Variants in CCDC57 observed in about 807,000 individuals in gnomAD.
CCDC57 encodes coiled-coil domain containing 57.
Under a neutral mutation model 118.9 loss-of-function variants are expected in CCDC57, and 118 were observed. The ratio of observed to expected loss-of-function variants is 0.99; its 90% CI spans 0.86 to 1.16. The LOEUF is 1.16. CCDC57 is among the 50% of genes most tolerant of loss of function. The pLI is 0.00. For missense variants in CCDC57, 1,300 were observed against 1,320.7 expected, an observed-to-expected ratio of 0.98 and a Z score of 0.24; for synonymous variants, 527 against 532.9, an observed-to-expected ratio of 0.99 and a Z score of 0.15.
intron 16 of CCDC57, chr17:82,135,069 A>G (rs2038957033): frequency 6.6e-6 from 1 of 152,054 alleles, no homozygotes; most frequent in Admixed American, 6.6e-5. Context: ...GGGTGTTTAT[A>G]ACTGTTGACA....
chr17:82,180,986 C>T (rs1479157020), intron 9 of CCDC57, among the ~76,000 whole-genome samples: 1 of 152,214 alleles, frequency 6.6e-6, no homozygotes, highest in African/African-American at 2.4e-5. Context: ...GGCCCACTCG[C>T]CGCCCGGCTT....
intron 16 of CCDC57, among the ~76,000 whole-genome samples, chr17:82,145,462 G>A (rs923341748): frequency 6.6e-6 from 1 of 151,906 alleles, no homozygotes; most frequent in Non-Finnish European, 1.5e-5. Context: ...CAATAGAATC[G>A]CTGGAACCCG....
chr17:82,205,722 C>A (rs2049543896), intron 2 of CCDC57, among the ~76,000 whole-genome samples: 1 of 152,206 alleles, frequency 6.6e-6, no homozygotes, highest in Non-Finnish European at 1.5e-5. Context: ...TGCTCCCAGG[C>A]CTCTGTGCTC....
rs115615442 is a variant in CCDC57, at chr17:82,113,210, T to C, written c.2900-11344A>G. The C allele has an allele frequency of 3.6e-3, 2,189 of 600,116 alleles. 32 individuals carry two copies. In the African/African-American group the frequency reaches 0.037, roughly 10 times the overall value. 37.2% of individuals were successfully genotyped at this position (600,116 alleles called of 1,614,324 possible). On this transcript the variant is annotated intron_variant, in intron 19 of 19. Transcript: ENST00000665763. ...TCCTTTCAGAAGCCACAGGTCATGATAATCAGTGAAGGCGGGGGGCTGGGG... is the reference window on the plus strand; with the variant it reads ...TCCTTTCAGAAGCCACAGGTCATGACAATCAGTGAAGGCGGGGGGCTGGGG...
At chr17:82,113,247 A>T (rs2035423432) in intron 19 of CCDC57, 1 of 619,608 alleles carries the variant, frequency 1.6e-6, no homozygotes, top group Non-Finnish European at 2.9e-6. Flanking sequence ...TGTCCGTGCC[A>T]TTCAGGGCAC....
Position 82,212,392 on chromosome 17 carries a change from CCT to C in CCDC57, c.-211+391_-211+392del, listed in dbSNP as rs1399277449. 5.8e-5 allele frequency among the ~76,000 whole-genome samples: 1 copy of C among 17,212 alleles called. No individual in the cohort carries two copies. The highest frequency in any genetic ancestry group is 9.7e-5 in the Non-Finnish European group (1 of 10,316). The allele number at this position is 17,212 out of a possible 152,430, so 11.3% of individuals were successfully genotyped here. On this transcript the variant is annotated intron_variant, in intron 1 of 19. Transcript: ENST00000665763. This position sits in a 1 kb window ranked among gnomAD's most constrained non-coding sequence, Gnocchi z 4.1. ...ACCACCGCCTCCGGCCTTTTTTTTT[CCT>C]CTCTTTTTTTTTTTTTTTTTTTAAA...
chr17:82,128,729 T>C, intron 17 of CCDC57, 132 bp from the exon 17 acceptor site: 1 of 713,454 alleles, frequency 1.4e-6, no homozygotes, highest in South Asian at 1.8e-5. Context: ...CACCATTTGG[T>C]GACAGCCCGG....
chr17:82,151,536 A>G (rs1374773401), intron 16 of CCDC57, 24 bp downstream of exon 15: 2 of 1,548,760 alleles, frequency 1.3e-6, no homozygotes, highest in South Asian at 1.2e-5. Context: ...CACTCAGGCC[A>G]TGGCCTCCAC....
At chr17:82,206,563 G>T (rs2049674270) in intron 2 of CCDC57, among the ~76,000 whole-genome samples, 1 of 149,818 alleles carries the variant, frequency 6.7e-6, no homozygotes, top group South Asian at 2.1e-4. Flanking sequence ...GGTGGGGTGT[G>T]GGGGGGTCCT....
intron 19 of CCDC57, among the ~76,000 whole-genome samples, chr17:82,103,438 ACCT>A (rs1339631849): frequency 4.6e-5 from 7 of 151,124 alleles, no homozygotes; most frequent in African/African-American, 1.5e-4. Flanking sequence ...AGCCTGCCTG[ACCT>A]CCTGGTCCCG....
At chr17:82,130,497 AAC>A (rs2038172001) in intron 17 of CCDC57, among the ~76,000 whole-genome samples, 1 of 129,860 alleles carries the variant, frequency 7.7e-6, no homozygotes, top group Non-Finnish European at 1.6e-5. Flanking sequence ...ACCCAGACAA[AAC>A]TTTTTTTTTT....
chr17:82,194,196 T>C (rs1392606360), intron 5 of CCDC57, 57 bp from the exon 5 acceptor site: 7 of 1,541,070 alleles, frequency 4.5e-6, no homozygotes, highest in African/African-American at 1.4e-5. Flanking sequence ...CACTGAGGCA[T>C]TAGGGGTACA....
Position 82,101,881 on chromosome 17 carries a change from G to GA in CCDC57, c.2900-16_2900-15insT. 2 of 1,553,976 alleles carry GA rather than the reference G, an allele frequency of 1.3e-6. No homozygotes were observed. The highest frequency in any genetic ancestry group is 2.3e-5 in the East Asian group (1 of 43,616). ...AGCTGGGAGCTCTGTCAGGTAAAGAGGAAAAAACAGCATGCATCAGGATGG... is the reference window on the plus strand; with the variant it reads ...AGCTGGGAGCTCTGTCAGGTAAAGAGAGAAAAAACAGCATGCATCAGGATGG... On this transcript the variant is annotated splice_polypyrimidine_tract_variant and intron_variant, in intron 19 of 19. Coordinates refer to ENST00000665763, the Ensembl canonical transcript of CCDC57.
Position 82,184,025 on chromosome 17 carries a change from G to GCTCACACACACACA in CCDC57, c.1053-94_1053-93insTGTGTGTGTGTGAG. The GCTCACACACACACA allele has an allele frequency of 7.7e-6, 3 of 387,904 alleles. No homozygotes were observed. In the East Asian group the frequency reaches 1.5e-4, roughly 19 times the overall value. The allele number at this position is 387,904 out of a possible 1,614,324, so 24.0% of individuals were successfully genotyped here. ...CCCCAGCAAATACACATGCGCGCGC[G>GCTCACACACACACA]CGCGCGCACACACACACACACACAC... On this transcript the variant is annotated intron_variant, in intron 8 of 19. Coordinates refer to ENST00000665763, the Ensembl canonical transcript of CCDC57.
intron 7 of CCDC57, among the ~76,000 whole-genome samples, chr17:82,189,996 G>C (rs766707694): frequency 3.3e-5 from 5 of 151,962 alleles, no homozygotes; most frequent in Non-Finnish European, 7.4e-5. Flanking sequence ...GGTGATAAGA[G>C]TGAAACTCTG....
At chr17:82,201,998 T>C (rs2049052210) in intron 2 of CCDC57, 46 bp from the exon 2 acceptor site, 1 of 1,481,100 alleles carries the variant, frequency 6.8e-7, no homozygotes, top group East Asian at 2.4e-5. Context: ...TGAGGGGCCC[T>C]AATTTTCCTA....
intron 16 of CCDC57, among the ~76,000 whole-genome samples, chr17:82,147,393 T>C (rs541560931): frequency 6.7e-6 from 1 of 148,242 alleles, no homozygotes; most frequent in Admixed American, 6.7e-5. Context: ...CATGGGTGGA[T>C]AGATGAACAG....
chr17:82,135,735 C>T (rs2039059548), intron 16 of CCDC57, among the ~76,000 whole-genome samples: 1 of 152,100 alleles, frequency 6.6e-6, no homozygotes, highest in Admixed American at 6.6e-5. Flanking sequence ...TGGGATCCCG[C>T]CTCACACCCA....
At chr17:82,209,772 C>T (rs927065903) in intron 1 of CCDC57, among the ~76,000 whole-genome samples, 1 of 152,178 alleles carries the variant, frequency 6.6e-6, no homozygotes, top group Non-Finnish European at 1.5e-5. Context: ...CAGGCGTGAG[C>T]CACTGTACCC....
Sources: gnomAD v4.1 joint callset for allele counts (sites outside exome capture counted in the v4.1 genomes callset) on GRCh38, gnomAD v4.1.1 for gene constraint, Gnocchi (gnomAD v3.1) non-coding constraint, MANE v1.5 for transcripts, NCBI Gene and HGNC (gene_info 2026-07-23, HGNC 2026-07-21) for gene names.